The following SCNN1G variants were observed in gnomAD, a reference collection of about 807,000 sequenced individuals.
SCNN1G encodes the protein epithelial sodium channel subunit gamma.
A neutral mutation model predicts 64.6 loss-of-function variants in SCNN1G; 27 were observed. The observed-to-expected ratio is 0.42, with a 90% CI of 0.31 to 0.58. SCNN1G has a LOEUF of 0.58. Among genes scored for constraint, SCNN1G ranks in the 20% least tolerant of loss-of-function variants. The pLI is 0.18. For missense variants in SCNN1G, 743 were observed against 823.4 expected (o/e 0.90, Z 1.19); for synonymous variants, 330 against 314.2 (o/e 1.05, Z -0.53).
intron 1 of SCNN1G, among the ~76,000 whole-genome samples, chr16:23,185,305 G>T (rs891417274): frequency 5.3e-5 from 8 of 152,210 alleles, no homozygotes; most frequent in Non-Finnish European, 8.8e-5. Context: ...ATTTACTTAT[G>T]AGACTAATGA....
chr16:23,198,582 A>G (rs550637214), intron 6 of SCNN1G, among the ~76,000 whole-genome samples: 44 of 148,732 alleles, frequency 3.0e-4, no homozygotes, highest in African/African-American at 1.0e-3. Context: ...AACGAAATAC[A>G]AAAAAAATCA....
At chr16:23,205,836 A>G (rs1279321150) in intron 6 of SCNN1G, among the ~76,000 whole-genome samples, 2 of 152,122 alleles carry the variant, frequency 1.3e-5, no homozygotes, top group African/African-American at 4.8e-5. Context: ...TCTGAGAAAC[A>G]GGGGTATAGC....
At chr16:23,203,769 CAA>C (rs71151702) in intron 6 of SCNN1G, among the ~76,000 whole-genome samples, 1,595 of 41,872 alleles carry the variant, frequency 0.038, no homozygotes, top group East Asian at 0.055. Context: ...GACTCCGTCT[CAA>C]AAAAAAAAAA....
chr16:23,204,328 T>TAC (rs1567267122), intron 6 of SCNN1G, among the ~76,000 whole-genome samples: 14 of 45,034 alleles, frequency 3.1e-4, no homozygotes, highest in Non-Finnish European at 3.8e-4. Context: ...TATATATATA[T>TAC]ATATATAGAG....
At chr16:23,194,388 C>T (rs955777309) in intron 5 of SCNN1G, 114 bp downstream of exon 5, 3 of 769,030 alleles carry the variant, frequency 3.9e-6, no homozygotes, top group Non-Finnish European at 7.0e-6. Context: ...CCCACTTGGC[C>T]AGAAACCAGG....
chr16:23,205,768 C>T (rs2141940752), intron 6 of SCNN1G, among the ~76,000 whole-genome samples: 1 of 152,018 alleles, frequency 6.6e-6, no homozygotes, highest in East Asian at 1.9e-4. Flanking sequence ...CCACCTGTTC[C>T]ATCCCCAGCC....
chr16:23,186,159 TG>T (rs1186975296), intron 1 of SCNN1G, 68 bp from the exon 2 acceptor site: 1 of 953,998 alleles, frequency 1.0e-6, no homozygotes, highest in African/African-American at 1.6e-5. Context: ...TCCCAGACTG[TG>T]GTCTCCAGGG....
chr16:23,210,576 C>G (rs1960063696), intron 7 of SCNN1G, among the ~76,000 whole-genome samples: 1 of 152,110 alleles, frequency 6.6e-6, no homozygotes, highest in Non-Finnish European at 1.5e-5. Context: ...TCTGTTCTGC[C>G]TCCTCTCACA....
intron 6 of SCNN1G, 36 bp from the exon 7 acceptor site, chr16:23,209,714 G>A (rs1179873147): frequency 5.3e-6 from 8 of 1,513,404 alleles, no homozygotes; most frequent in Middle Eastern, 3.4e-4. Flanking sequence ...GGTCCGGGGG[G>A]AGGACAGGGC....
At chr16:23,187,799 GA>G (rs1959638502) in intron 2 of SCNN1G, among the ~76,000 whole-genome samples, 1 of 152,194 alleles carries the variant, frequency 6.6e-6, no homozygotes, top group Admixed American at 6.5e-5. Flanking sequence ...TCCTTCTCAG[GA>G]TTATGGAAAA....
At chr16:23,214,595 A>G in intron 11 of SCNN1G, 117 bp from the exon 12 acceptor site, 1 of 791,204 alleles carries the variant, frequency 1.3e-6, no homozygotes. Context: ...TAATATCCCC[A>G]AGGAGCTCAG....
In SCNN1G at chr16:23,215,481, G is replaced by A. The variant is rs72647544; in HGVS notation, c.*12G>A. The A allele has an allele frequency of 2.6e-5, 41 of 1,605,306 alleles. No homozygotes were observed. In the African/African-American group the frequency reaches 5.2e-4, roughly 20 times the overall value. ...TGGATGAGCTCTGAGGCAGGGTTGA[G>A]AAGACAGATCTAGTCAGGACCACCA... On this transcript the variant is annotated 3_prime_UTR_variant, in exon 13 of 13. Coordinates refer to ENST00000300061, the MANE Select transcript of SCNN1G (RefSeq NM_001039.4).
rs181617032 is a variant in SCNN1G, at chr16:23,197,679, A to T, written c.1077+252A>T. The stretch of plus-strand genomic sequence containing the variant: ...AGACCGAGGTGAGGTCAAGAGTTTG[A>T]GACCAGCCTAGCCAACTTGGTGAAA... On this transcript the variant is annotated intron_variant, in intron 6 of 12. Coordinates refer to ENST00000300061, the MANE Select transcript of SCNN1G (RefSeq NM_001039.4). 2.3e-3 allele frequency among the ~76,000 whole-genome samples: 350 copies of T among 152,244 alleles called. 6 individuals carry two copies. The highest frequency in any genetic ancestry group is 0.02 in the Admixed American group (310 of 15,288).
chr16:23,192,994 G>A (rs911810228), intron 4 of SCNN1G, among the ~76,000 whole-genome samples: 22 of 149,072 alleles, frequency 1.5e-4, no homozygotes, highest in Middle Eastern at 3.2e-3. Context: ...GCTTGAACCC[G>A]GGAGGCGGAG....
chr16:23,209,937 C>G, intron 7 of SCNN1G, 89 bp downstream of exon 7: 5 of 913,626 alleles, frequency 5.5e-6, no homozygotes, highest in Non-Finnish European at 9.0e-6. Context: ...TGGCTTGCAC[C>G]AGGAACTCTG....
In SCNN1G at chr16:23,197,331, T is replaced by A; in HGVS notation, c.981T>A (p.Ala327=). The A allele has an allele frequency of 6.2e-7, 1 of 1,613,832 alleles. No homozygotes were observed. Among genetic ancestry groups the A allele is most frequent in the Non-Finnish European group, 8.5e-7 (1 of 1,179,682 alleles). The change falls in exon 6 of 13, where the codon GCT becomes GCA. Residue 327 remains alanine (A), a synonymous_variant. Transcript: ENST00000300061. ...CATTCCTCGTGTCCTCCACTGGAGC[T>A]AAGGTGATCATCCATCGGCAGGATG... The part of the protein sequence containing the change: ...YNPFLVSSTG[A]KVIIHRQDEY...
rs1004570440 is a variant in SCNN1G, at chr16:23,213,019, G to T, written c.1432-83G>T. 2.8e-5 allele frequency: 43 copies of T among 1,522,752 alleles called. No homozygotes were observed. In the East Asian group the frequency reaches 9.2e-4, roughly 33 times the overall value. 94.3% of individuals were successfully genotyped at this position (1,522,752 alleles called of 1,614,324 possible). A position where few individuals can be genotyped will look rare whatever the true frequency, so the allele number is the denominator to read the frequency against. On this transcript the variant is annotated intron_variant, in intron 10 of 12. Transcript: ENST00000300061. ...AAAGAATTACCTTGTGGAGGCTGGG[G>T]GACAAGTTGGGGAGCCTGAGGCGGG... is the stretch of plus-strand genomic sequence containing the variant.
Position 23,215,193 on chromosome 16 carries a change from C to T in SCNN1G, c.1674C>T (p.Phe558=), listed in dbSNP as rs1214080869. The part of the protein sequence containing the change: ...EIIEVFFIDF[F]SIIARRQWQK... The stretch of plus-strand genomic sequence containing the variant: ...TCGAGGTCTTCTTCATTGACTTCTT[C>T]TCTATCATTGCCCGCCGCCAGTGGC... The change falls in exon 13 of 13, where the codon TTC becomes TTT. Residue 558 remains phenylalanine (F), a synonymous_variant. Coordinates refer to ENST00000300061, the MANE Select transcript of SCNN1G (RefSeq NM_001039.4). 3 of 1,614,056 alleles carry T rather than the reference C, an allele frequency of 1.9e-6. No individual in the cohort carries two copies. The highest frequency in any genetic ancestry group is 2.7e-5 in the African/African-American group (2 of 74,926).
chr16:23,212,250 C>A, intron 8 of SCNN1G, 99 bp downstream of exon 8: 1 of 803,070 alleles, frequency 1.2e-6, no homozygotes, highest in Non-Finnish European at 2.2e-6. Flanking sequence ...TTGCCTTTTG[C>A]GTGAGGGAGG....
Sources: gnomAD v4.1 joint callset for allele counts (sites outside exome capture counted in the v4.1 genomes callset) on GRCh38, gnomAD v4.1.1 for gene constraint, MANE v1.5 for transcripts, NCBI Gene and HGNC (gene_info 2026-07-23, HGNC 2026-07-21) for gene names.